ZZEF1: variants seen among roughly 807,000 people sequenced by gnomAD.
The protein encoded by ZZEF1 is zinc finger ZZ-type and EF-hand domain containing 1, also known as zinc finger ZZ-type and EF-hand domain-containing protein 1.
ZZEF1 carries 157 observed loss-of-function variants against 342.8 expected under a neutral mutation model. That is an observed-to-expected ratio of 0.46 (90% CI 0.40 to 0.52). The LOEUF is 0.52. Among genes scored for constraint, ZZEF1 ranks in the 20% least tolerant of loss-of-function variants. The pLI is 0.00. For synonymous variants in ZZEF1, 1,505 were observed against 1,429.1 expected, an observed-to-expected ratio of 1.05 and a Z score of -1.20; for missense variants, 3,480 against 3,725.6, an observed-to-expected ratio of 0.93 and a Z score of 1.72.
At chr17:4,101,286 C>T (rs530849607) in intron 9 of ZZEF1, among the ~76,000 whole-genome samples, 24 of 152,146 alleles carry the variant, frequency 1.6e-4, no homozygotes, top group Admixed American at 1.2e-3. Flanking sequence ...TGAGAACATA[C>T]GAGGACTCAT....
chr17:4,049,715 G>C lies in ZZEF1; in HGVS notation c.6008C>G (p.Ala2003Gly). ...TAAAGAATCGTCATTTACATTGCCT[G>C]CTTCTGACAGCTCAGCACCCTGGAC... is the stretch of plus-strand genomic sequence containing the variant. Reference protein sequence around the residue: ...KAVQGAELSEAGNGKRAVHEE... With the variant: ...KAVQGAELSEGGNGKRAVHEE... Residue 2003 changes from alanine (A) to glycine (G), a missense_variant, in exon 37 of 55, where the codon GCA (alanine) becomes GGA (glycine). Physicochemically the swap from Ala to Gly is moderately conservative, Grantham distance 60 (BLOSUM62 0). Around this residue, in one of 5 missense-constraint regions of ZZEF1, gnomAD observed 1,269 missense variants for 1,342.4 expected, o/e 0.95. Transcript: ENST00000381638. 1 of 1,613,974 alleles carries C rather than the reference G, an allele frequency of 6.2e-7. No individual in the cohort carries two copies.
chr17:4,096,479 G>C (rs1431854416), intron 10 of ZZEF1, 130 bp downstream of exon 10: 21 of 748,376 alleles, frequency 2.8e-5, no homozygotes, highest in Non-Finnish European at 4.8e-5. Flanking sequence ...TCCTCTGTAT[G>C]ATTATTTCAC....
chr17:4,009,178 C>T lies in ZZEF1; in HGVS notation c.8734-224G>A, dbSNP rs1011033702. The stretch of plus-strand genomic sequence containing the variant: ...TCCACCTGCCCTTGGGTGACCAGGC[C>T]GGGACCCCTCCTCAAGCCAGTTTCC... On this transcript the variant is annotated intron_variant, in intron 53 of 54. Coordinates refer to ENST00000381638, the MANE Select transcript of ZZEF1 (RefSeq NM_015113.4). The T allele has an allele frequency of 4.0e-5, 24 of 599,006 alleles. 1 individual carries two copies. The highest frequency in any genetic ancestry group is 2.2e-4 in the South Asian group (11 of 49,832). The allele number at this position is 599,006 out of a possible 1,614,324, so 37.1% of individuals were successfully genotyped here. A position where few individuals can be genotyped will look rare whatever the true frequency, so the allele number is the denominator to read the frequency against.
intron 37 of ZZEF1, among the ~76,000 whole-genome samples, chr17:4,044,611 C>G (rs1346062018): frequency 6.6e-6 from 1 of 150,988 alleles, no homozygotes; most frequent in Admixed American, 6.6e-5. Context: ...CTCCACCTCC[C>G]AGGTTCAAGC....
At chr17:4,007,552 G>T (rs940122159) in intron 54 of ZZEF1, among the ~76,000 whole-genome samples, 12 of 152,284 alleles carry the variant, frequency 7.9e-5, no homozygotes, top group Middle Eastern at 3.4e-3. Flanking sequence ...AGACTGGACA[G>T]GGGCAGCAAG....
At position 4,017,877 on chromosome 17, in the gene ZZEF1, C is replaced by T. The variant is rs1454340746; in HGVS notation, c.7600G>A (p.Ala2534Thr). ...ATCATGTCTGTATCCACAGCTTTGG[C>T]GCTCTGTTCTTCCAGCCTCAGACTC... ...SKSLRLEEQS[A>T]KAVDTDMIIL... Residue 2534 changes from alanine (A) to threonine (T), a missense_variant, in exon 47 of 55, where the codon GCC becomes ACC. Around this residue, in one of 5 missense-constraint regions of ZZEF1, gnomAD observed 1,269 missense variants for 1,342.4 expected, o/e 0.95. Transcript: ENST00000381638. The surrounding 1 kb of genome is among the most constrained non-coding windows in gnomAD (Gnocchi z 5.1). The T allele has an allele frequency of 3.1e-6, 5 of 1,614,020 alleles. No individual in the cohort carries two copies. Among genetic ancestry groups the T allele is most frequent in the African/African-American group, 1.3e-5 (1 of 74,904 alleles).
intron 2 of ZZEF1, among the ~76,000 whole-genome samples, chr17:4,123,280 TATATATATATATATA>T (rs982361095): frequency 3.2e-5 from 3 of 92,756 alleles, no homozygotes; most frequent in Non-Finnish European, 6.9e-5. Flanking sequence ...TATATATATA[TATATATATATATATA>T]TATATATATA....
At chr17:4,081,511 C>G in intron 17 of ZZEF1, 21 bp from the exon 18 acceptor site, 1 of 1,581,702 alleles carries the variant, frequency 6.3e-7, no homozygotes, top group East Asian at 2.2e-5. Flanking sequence ...ACAAATTAGT[C>G]ATGACACCTG....
chr17:4,049,261 C>T (rs1464502330), intron 37 of ZZEF1, among the ~76,000 whole-genome samples: 2 of 152,072 alleles, frequency 1.3e-5, no homozygotes, highest in Admixed American at 1.3e-4. Flanking sequence ...CCTGTAATCC[C>T]ATCACTTTGG....
chr17:4,017,652 C>T lies in ZZEF1; in HGVS notation c.7720G>A (p.Glu2574Lys), dbSNP rs1363976764. 2.5e-6 allele frequency: 4 copies of T among 1,614,128 alleles called. No homozygotes were observed. Among genetic ancestry groups the T allele is most frequent in the East Asian group, 2.2e-5 (1 of 44,884 alleles). Residue 2574 changes from glutamate to lysine, a missense_variant, in exon 48 of 55, where the codon GAA becomes AAA. By Grantham distance (56) the Glu-to-Lys change is moderately conservative. Transcript: ENST00000381638. The surrounding 1 kb of genome is among the most constrained non-coding windows in gnomAD (Gnocchi z 5.1). ...TGCTTGGCATAGCTCTGCTGCAGTT[C>T]GCTCTCTGTGCTGGAGATCAGCTTC... Reference protein sequence around the residue: ...TQKLISSTESELQQSYAKQRR... With the variant: ...TQKLISSTESKLQQSYAKQRR...
At chr17:4,130,314 G>A (rs543068040) in intron 1 of ZZEF1, among the ~76,000 whole-genome samples, 25 of 152,124 alleles carry the variant, frequency 1.6e-4, no homozygotes, top group Middle Eastern at 3.4e-3. Context: ...TTAGCCGGGC[G>A]TGGTGGTGGG....
intron 30 of ZZEF1, among the ~76,000 whole-genome samples, chr17:4,060,903 A>G (rs1352480317): frequency 6.6e-6 from 1 of 152,060 alleles, no homozygotes; most frequent in Non-Finnish European, 1.5e-5. Flanking sequence ...GCTACTGCAA[A>G]TTATCCCCTC....
Position 4,075,098 on chromosome 17 carries a change from T to C in ZZEF1, c.3482A>G (p.Lys1161Arg), listed in dbSNP as rs1440264261. The change falls in exon 23 of 55, where the codon AAG (lysine) becomes AGG (arginine). Residue 1161 changes from lysine to arginine, a missense_variant and splice_region_variant. By Grantham distance (26) the Lys-to-Arg change is conservative. Coordinates refer to ENST00000381638, the MANE Select transcript of ZZEF1 (RefSeq NM_015113.4). ...CCTCTTTCTGGGACTATCACTCACC[T>C]TGGGCCATTTATCAGTGCCAACTTT... ...DTKVGTDKWP[K>R]KVTFKAGPRL... 1.9e-6 allele frequency: 3 copies of C among 1,614,078 alleles called. No homozygotes were observed. Among genetic ancestry groups the C allele is most frequent in the East Asian group, 2.2e-5 (1 of 44,898 alleles).
At chr17:4,063,510 GTTC>G (rs2057326290) in intron 29 of ZZEF1, among the ~76,000 whole-genome samples, 1 of 152,138 alleles carries the variant, frequency 6.6e-6, no homozygotes. Context: ...CTAACGGTAC[GTTC>G]TTGAGATATA....
intron 1 of ZZEF1, among the ~76,000 whole-genome samples, chr17:4,141,753 G>A (rs2058854519): frequency 6.6e-6 from 1 of 151,640 alleles, no homozygotes; most frequent in African/African-American, 2.4e-5. Context: ...CTAGTTGATA[G>A]TCTGTTTTAC....
intron 1 of ZZEF1, among the ~76,000 whole-genome samples, chr17:4,137,961 C>CCCA (rs2058779781): frequency 6.6e-6 from 1 of 152,018 alleles, no homozygotes; most frequent in Admixed American, 6.6e-5. Context: ...AAGGAGGTGT[C>CCCA]CCACTAGCCA....
At chr17:4,133,170 G>A (rs1049440490) in intron 1 of ZZEF1, among the ~76,000 whole-genome samples, 1 of 152,106 alleles carries the variant, frequency 6.6e-6, no homozygotes, top group African/African-American at 2.4e-5. Context: ...CATTCAGTTG[G>A]GAACGACACA....
At position 4,064,831 on chromosome 17, in the gene ZZEF1, T is replaced by C; in HGVS notation, c.4250-2A>G. 1 of 1,479,774 alleles carries C rather than the reference T, an allele frequency of 6.8e-7. No homozygotes were observed. The highest frequency in any genetic ancestry group is 1.3e-5 in the South Asian group (1 of 76,806). 91.7% of individuals were successfully genotyped at this position (1,479,774 alleles called of 1,614,324 possible). On this transcript the variant is annotated splice_acceptor_variant, in intron 28 of 54. Transcript: ENST00000381638. LOFTEE classifies it high-confidence loss of function. ...GACTCTTCTCAATGCACTCTTTTGCTAGATGCAAACAAGAATCATAATTGA... is the reference window on the plus strand; with the variant it reads ...GACTCTTCTCAATGCACTCTTTTGCCAGATGCAAACAAGAATCATAATTGA...
chr17:4,076,060 C>T (rs975088372), intron 21 of ZZEF1: 1 of 151,984 alleles, frequency 6.6e-6, no homozygotes, highest in South Asian at 2.1e-4. Context: ...TTGTCACTCA[C>T]TTACATGGTT....
Sources: allele counts gnomAD v4.1 joint callset (sites outside exome capture counted in the v4.1 genomes callset), GRCh38; gene constraint gnomAD v4.1.1; regional missense constraint gnomAD v4.1.1; non-coding constraint Gnocchi (gnomAD v3.1); transcripts MANE v1.5; gene names NCBI Gene and HGNC (gene_info 2026-07-23, HGNC 2026-07-21).